Variants in SLC14A2 observed in about 807,000 individuals in gnomAD.
SLC14A2 encodes urea transporter 2.
A neutral mutation model predicts 104.6 loss-of-function variants in SLC14A2; 91 were observed. That is an observed-to-expected ratio of 0.87 (90% CI 0.73 to 1.04). The LOEUF (loss-of-function observed/expected upper bound fraction) is 1.04. Among genes scored for constraint, SLC14A2 ranks in the 50% least tolerant of loss-of-function variants. The pLI is 0.00. For synonymous variants in SLC14A2, 476 were observed against 466.4 expected, an observed-to-expected ratio of 1.02 and a Z score of -0.27; for missense variants, 1,189 against 1,156.0, an observed-to-expected ratio of 1.03 and a Z score of -0.41.
At chr18:45,244,131 G>T (rs567321554) in intron 1 of SLC14A2, among the ~76,000 whole-genome samples, 5 of 152,090 alleles carry the variant, frequency 3.3e-5, no homozygotes, top group African/African-American at 9.7e-5. Context: ...GCAAGTCTCC[G>T]AGCCCCCTGG....
At chr18:45,657,364 G>A (rs917863934) in intron 10 of SLC14A2, among the ~76,000 whole-genome samples, 44 of 151,712 alleles carry the variant, frequency 2.9e-4, no homozygotes, top group Non-Finnish European at 1.5e-4. Context: ...GCATGCGCCT[G>A]TAGTCCCAGC....
At chr18:45,277,421 T>G (rs1250159465) in intron 1 of SLC14A2, among the ~76,000 whole-genome samples, 14 of 152,226 alleles carry the variant, frequency 9.2e-5, no homozygotes, top group African/African-American at 3.4e-4. Flanking sequence ...TAGTTTTTCT[T>G]TTTTTCTTTT....
rs893813798 is a variant in SLC14A2, at chr18:45,450,534, A to G, written c.-124-32699A>G. ...TACCAGAGTCAGTAATAGATCACAA[A>G]TACAGATTAGTGAACAGAACCAGAT... On this transcript the variant is annotated intron_variant, in intron 1 of 20. Coordinates refer to the SLC14A2 transcript ENST00000586448. 3.3e-5 allele frequency among the ~76,000 whole-genome samples: 5 copies of G among 152,200 alleles called. No homozygotes were observed. In the East Asian group the frequency reaches 9.6e-4, roughly 29 times the overall value.
chr18:45,488,362 G>A (rs757561411), intron 2 of SLC14A2, among the ~76,000 whole-genome samples: 1 of 152,170 alleles, frequency 6.6e-6, no homozygotes, highest in Non-Finnish European at 1.5e-5. Context: ...AAGTGGCATT[G>A]GCAGAGGCTG....
chr18:45,398,319 A>G (rs1184721322), intron 1 of SLC14A2, among the ~76,000 whole-genome samples: 2 of 152,182 alleles, frequency 1.3e-5, no homozygotes, highest in African/African-American at 4.8e-5. Context: ...AAATCAAACA[A>G]TGAAAGCTAA....
At chr18:45,499,841 A>G (rs2043163312) in intron 2 of SLC14A2, among the ~76,000 whole-genome samples, 1 of 152,178 alleles carries the variant, frequency 6.6e-6, no homozygotes, top group Non-Finnish European at 1.5e-5. Flanking sequence ...TATCAAATGA[A>G]ATAATGAATG....
chr18:45,598,872 C>A (rs1014793885), intron 2 of SLC14A2, among the ~76,000 whole-genome samples: 1 of 152,224 alleles, frequency 6.6e-6, no homozygotes, highest in East Asian at 1.9e-4. Flanking sequence ...AACTAAAGCA[C>A]GCAGACCGCT....
intron 1 of SLC14A2, among the ~76,000 whole-genome samples, chr18:45,217,830 C>T (rs189220787): frequency 6.6e-6 from 1 of 152,172 alleles, no homozygotes; most frequent in Non-Finnish European, 1.5e-5. Context: ...CTTAGCTTTC[C>T]ATTTCAAAGC....
intron 19 of SLC14A2, 58 bp from the exon 20 acceptor site, chr18:45,682,261 G>A: frequency 1.3e-6 from 2 of 1,502,302 alleles, no homozygotes. Context: ...GATAAGGGCT[G>A]ATTAAAATGC....
chr18:45,505,771 G>C (rs2043274088), intron 2 of SLC14A2, among the ~76,000 whole-genome samples: 1 of 152,122 alleles, frequency 6.6e-6, no homozygotes. Context: ...TTTTTGGCCA[G>C]GTTTGGTTTA....
chr18:45,331,106 T>C (rs1481861529), intron 1 of SLC14A2, among the ~76,000 whole-genome samples: 1 of 152,204 alleles, frequency 6.6e-6, no homozygotes, highest in Non-Finnish European at 1.5e-5. Context: ...GAGACATATA[T>C]GACACCATTC....
At chr18:45,335,029 A>G (rs1195612069) in intron 1 of SLC14A2, among the ~76,000 whole-genome samples, 1 of 152,266 alleles carries the variant, frequency 6.6e-6, no homozygotes, top group Non-Finnish European at 1.5e-5. Context: ...ACAGCTGTAC[A>G]GAAGTACAAT....
chr18:45,373,660 GC>G (rs1397179172), intron 1 of SLC14A2, among the ~76,000 whole-genome samples: 2 of 152,140 alleles, frequency 1.3e-5, no homozygotes, highest in African/African-American at 4.8e-5. Flanking sequence ...TTTATATATG[GC>G]CCTGAGAAAA....
chr18:45,183,431 C>T, the SLC14A2 span, among the ~76,000 whole-genome samples: 1 of 152,142 alleles, frequency 6.6e-6, no homozygotes, highest in African/African-American at 2.4e-5. Flanking sequence ...CCTACTCGCA[C>T]CATATAAAGC....
intron 1 of SLC14A2, among the ~76,000 whole-genome samples, chr18:45,261,523 G>A (rs1224653419): frequency 4.0e-5 from 6 of 150,272 alleles, no homozygotes; most frequent in Non-Finnish European, 8.9e-5. Flanking sequence ...TCGTCATTTA[G>A]CATTAGGTAT....
At chr18:45,573,595 C>T (rs2044379509) in intron 2 of SLC14A2, among the ~76,000 whole-genome samples, 1 of 152,206 alleles carries the variant, frequency 6.6e-6, no homozygotes, top group Non-Finnish European at 1.5e-5. Context: ...ATCCATAATA[C>T]ATTAGAAACA....
At chr18:45,597,501 G>A (rs2044731512) in intron 2 of SLC14A2, among the ~76,000 whole-genome samples, 1 of 152,224 alleles carries the variant, frequency 6.6e-6, no homozygotes, top group Admixed American at 6.5e-5. Flanking sequence ...AGGTAGTGGT[G>A]AGTGTTTTGG....
chr18:45,622,310 T>C (rs1211353347), intron 1 of SLC14A2, among the ~76,000 whole-genome samples: 1 of 152,068 alleles, frequency 6.6e-6, no homozygotes, highest in Non-Finnish European at 1.5e-5. Flanking sequence ...GAAGGGAGCA[T>C]TAAGTGTGAC....
intron 1 of SLC14A2, among the ~76,000 whole-genome samples, chr18:45,304,954 C>T (rs1475621420): frequency 6.6e-6 from 1 of 152,236 alleles, no homozygotes; most frequent in Non-Finnish European, 1.5e-5. Context: ...AGAATACATA[C>T]ATGTTTCCTT....
Sources: gnomAD v4.1 joint callset for allele counts (sites outside exome capture counted in the v4.1 genomes callset) on GRCh38, gnomAD v4.1.1 for gene constraint, MANE v1.5 for transcripts, NCBI Gene and HGNC (gene_info 2026-07-23, HGNC 2026-07-21) for gene names.